Variants in SOX6 observed in about 807,000 individuals in gnomAD.
SOX6 encodes transcription factor SOX-6.
In SOX6, 11 loss-of-function variants were observed where a neutral mutation model predicts 97.8. The ratio of observed to expected loss-of-function variants is 0.11; its 90% CI spans 0.07 to 0.19. The LOEUF (loss-of-function observed/expected upper bound fraction) is 0.19. Ranked by LOEUF, SOX6 falls within the 10% of genes least tolerant of loss-of-function variation. The pLI is 1.00. For synonymous variants in SOX6, 360 were observed against 371.4 expected, an observed-to-expected ratio of 0.97 and a Z score of 0.35; for missense variants, 810 against 1,039.5, an observed-to-expected ratio of 0.78 and a Z score of 3.04.
intron 4 of SOX6, among the ~76,000 whole-genome samples, chr11:16,207,284 T>C (rs1039138845): frequency 2.0e-5 from 3 of 152,248 alleles, no homozygotes; most frequent in Middle Eastern, 3.4e-3. Context: ...AGGAATATTA[T>C]GCAGACAGCC....
chr11:16,217,234 C>T (rs1037020221), intron 4 of SOX6, among the ~76,000 whole-genome samples: 1 of 152,128 alleles, frequency 6.6e-6, no homozygotes, highest in Non-Finnish European at 1.5e-5. Flanking sequence ...TATACACTTA[C>T]GTAAAGCACT....
chr11:15,993,521 T>G (rs922961022), intron 13 of SOX6, among the ~76,000 whole-genome samples: 4 of 152,134 alleles, frequency 2.6e-5, no homozygotes, highest in African/African-American at 9.7e-5. Context: ...TAAGAGTCTT[T>G]AATTACCAGC....
At chr11:16,663,697 A>T (rs1847783695) in intron 3 of SOX6, among the ~76,000 whole-genome samples, 1 of 152,262 alleles carries the variant, frequency 6.6e-6, no homozygotes, top group African/African-American at 2.4e-5. Context: ...CAAGGTTAAT[A>T]TTTGAAAACT....
intron 3 of SOX6, among the ~76,000 whole-genome samples, chr11:16,686,647 T>A (rs1169452755): frequency 6.6e-6 from 1 of 152,226 alleles, no homozygotes; most frequent in Non-Finnish European, 1.5e-5. Context: ...TAAGAAGTTA[T>A]AAACTTTCCC....
chr11:16,492,926 T>C (rs1312124309), intron 4 of SOX6, among the ~76,000 whole-genome samples: 2 of 152,224 alleles, frequency 1.3e-5, no homozygotes, highest in Non-Finnish European at 2.9e-5. Context: ...TGTCACTTCA[T>C]ATCCACCAGA....
rs531345752 is a variant in SOX6 at position 16,492,326 on chromosome 11, C to A, written n.610-15938G>T. Among the ~76,000 whole-genome samples the A allele has an allele frequency of 2.6e-5, 4 of 152,200 alleles. No individual in the cohort carries two copies. In the South Asian group the frequency reaches 8.3e-4, roughly 32 times the overall value. On this transcript the variant is annotated intron_variant and non_coding_transcript_variant, in intron 4 of 5. Coordinates refer to the SOX6 transcript ENST00000524520. ...CAGAGCTGCAATGGACAGTCCCATG[C>A]AAGCGCAGACTGGCCTTGCTAGTAT...
chr11:16,259,401 CAGTA>C (rs1281833201), intron 3 of SOX6, among the ~76,000 whole-genome samples: 1 of 151,896 alleles, frequency 6.6e-6, no homozygotes, highest in African/African-American at 2.4e-5. Context: ...ATTAAAATCC[CAGTA>C]AGTATTTTCT....
At chr11:16,347,402 A>G (rs998624073) in intron 1 of SOX6, among the ~76,000 whole-genome samples, 3 of 152,158 alleles carry the variant, frequency 2.0e-5, no homozygotes, top group African/African-American at 7.2e-5. Context: ...TGACTTAACA[A>G]TAAGAGTAAA....
intron 3 of SOX6, among the ~76,000 whole-genome samples, chr11:16,635,976 T>G (rs1243746513): frequency 6.6e-6 from 1 of 152,176 alleles, no homozygotes; most frequent in Non-Finnish European, 1.5e-5. Context: ...GGTCCTGGGG[T>G]GGAGCCCTCA....
intron 4 of SOX6, among the ~76,000 whole-genome samples, chr11:16,545,090 A>G (rs1847602557): frequency 6.6e-6 from 1 of 152,118 alleles, no homozygotes; most frequent in Non-Finnish European, 1.5e-5. Flanking sequence ...GAAGAAAATA[A>G]TATCTAAAAT....
intron 3 of SOX6, among the ~76,000 whole-genome samples, chr11:16,706,440 A>C (rs2134044560): frequency 1.1e-5 from 1 of 95,146 alleles, no homozygotes; most frequent in South Asian, 4.6e-4. Context: ...AAAGAGTGAG[A>C]ACCTATCACA....
chr11:16,218,078 T>A (rs1488521098), intron 4 of SOX6, among the ~76,000 whole-genome samples: 1 of 152,188 alleles, frequency 6.6e-6, no homozygotes. Context: ...ATATACATTT[T>A]ATGGACCAAA....
chr11:16,428,728 G>T (rs1323901337), intron 1 of SOX6, among the ~76,000 whole-genome samples: 1 of 152,128 alleles, frequency 6.6e-6, no homozygotes, highest in Non-Finnish European at 1.5e-5. Flanking sequence ...GGTTACTGTA[G>T]CCTTGTAGTA....
intron 1 of SOX6, among the ~76,000 whole-genome samples, chr11:16,388,669 A>C (rs1271008682): frequency 6.6e-6 from 1 of 151,990 alleles, no homozygotes; most frequent in Non-Finnish European, 1.5e-5. Flanking sequence ...GATATTCACA[A>C]TATTTTCTTA....
At chr11:16,367,811 G>A (rs992486508) in intron 1 of SOX6, among the ~76,000 whole-genome samples, 1 of 152,096 alleles carries the variant, frequency 6.6e-6, no homozygotes, top group Non-Finnish European at 1.5e-5. Flanking sequence ...GCACCTTGAG[G>A]TTTGTATATA....
chr11:16,239,876 T>TC (rs1013235360), intron 3 of SOX6, among the ~76,000 whole-genome samples: 3 of 151,462 alleles, frequency 2.0e-5, no homozygotes, highest in African/African-American at 7.3e-5. Context: ...ATAACACCCC[T>TC]CCCCCATTAC....
intron 4 of SOX6, among the ~76,000 whole-genome samples, chr11:16,539,648 G>A (rs546890908): frequency 3.9e-5 from 6 of 152,122 alleles, no homozygotes; most frequent in African/African-American, 1.2e-4. Flanking sequence ...TATCACCACC[G>A]ATCCCACAGA....
At chr11:16,710,903 A>G (rs1357534073) in intron 3 of SOX6, among the ~76,000 whole-genome samples, 1 of 152,184 alleles carries the variant, frequency 6.6e-6, no homozygotes, top group African/African-American at 2.4e-5. Context: ...ATGCCTACCC[A>G]CCCAAATCTG....
Position 16,034,737 on chromosome 11 carries a change from C to T in SOX6, c.1623+11777G>A, listed in dbSNP as rs574511136. 5.3e-5 allele frequency among the ~76,000 whole-genome samples: 8 copies of T among 152,142 alleles called. No individual in the cohort carries two copies. In the South Asian group the frequency reaches 1.7e-3, roughly 32 times the overall value. On this transcript the variant is annotated intron_variant, in intron 12 of 15. Transcript: ENST00000683767. ...AACACACATACACTGTCATACAGAC[C>T]GTCTCACATATACACCCAGGTCAAC...
Sources: allele counts gnomAD v4.1 joint callset (sites outside exome capture counted in the v4.1 genomes callset), GRCh38; gene constraint gnomAD v4.1.1; transcripts MANE v1.5; gene names NCBI Gene and HGNC (gene_info 2026-07-23, HGNC 2026-07-21).